The following COL4A5 variants were observed in gnomAD, a reference collection of about 807,000 sequenced individuals.
The protein encoded by COL4A5 is collagen alpha-5(IV) chain.
Under a neutral mutation model 130.2 loss-of-function variants are expected in COL4A5, and 26 were observed. That is an observed-to-expected ratio of 0.20 (90% CI 0.15 to 0.28). The LOEUF is 0.28. COL4A5 is among the 10% of genes least tolerant of loss of function. The pLI is 1.00. For synonymous variants in COL4A5, 496 were observed against 439.6 expected, an observed-to-expected ratio of 1.13 and a Z score of -1.60; for missense variants, 1,131 against 1,344.3, an observed-to-expected ratio of 0.84 and a Z score of 2.48.
At chrX:108,479,274 A>G (rs1290311260) in intron 1 of COL4A5, among the ~76,000 whole-genome samples, 1 of 112,379 alleles carries the variant, frequency 8.9e-6, no homozygotes, top group Non-Finnish European at 1.9e-5. Flanking sequence ...CTTTGTCACC[A>G]ATTTCCCAGT....
intron 1 of COL4A5, among the ~76,000 whole-genome samples, chrX:108,502,894 T>A (rs1238211319): frequency 8.9e-6 from 1 of 111,885 alleles, no homozygotes; most frequent in East Asian, 2.8e-4. Context: ...GGTATTACTG[T>A]TTTATTCTTG....
chrX:108,650,336 T>C (rs1401484907), intron 36 of COL4A5, among the ~76,000 whole-genome samples: 9 of 111,453 alleles, frequency 8.1e-5, no homozygotes, highest in Non-Finnish European at 1.3e-4. Context: ...GAATGTAAAC[T>C]AGTACAGCTA....
At position 108,680,953 on chromosome X, in the gene COL4A5, C is replaced by G. The variant is rs1274305397; in HGVS notation, c.4084C>G (p.Pro1362Ala). The change falls in exon 46 of 53, where the codon CCA (proline) becomes GCA (alanine). Residue 1362 changes from proline to alanine, a missense_variant. By Grantham distance (27) the Pro-to-Ala change is conservative. Transcript: ENST00000328300. Reference protein sequence around the residue: ...PEGEPGLIGPPGPPGLPGPSG... With the variant: ...PEGEPGLIGPAGPPGLPGPSG... Reference sequence around the variant, plus strand: ...GGGGGAACCGGGACTTATTGGTCCTCCAGGTAAGACTTATTCCTGAAGATA... The same window carrying G: ...GGGGGAACCGGGACTTATTGGTCCTGCAGGTAAGACTTATTCCTGAAGATA... The G allele has an allele frequency of 8.3e-7, 1 of 1,197,662 alleles. No individual in the cohort carries two copies. The highest frequency in any genetic ancestry group is 1.1e-6 in the Non-Finnish European group (1 of 884,384).
At chrX:108,563,244 A>G (rs1029985302) in intron 3 of COL4A5, among the ~76,000 whole-genome samples, 1 of 111,587 alleles carries the variant, frequency 9.0e-6, no homozygotes, top group African/African-American at 3.3e-5. Flanking sequence ...ATAGTTAACG[A>G]AAACTCAGTG....
rs1043282920 is a variant in COL4A5 at position 108,628,016 on chromosome X, A to G, written c.3246+1667A>G. On this transcript the variant is annotated intron_variant, in intron 36 of 52. Coordinates refer to ENST00000328300, the MANE Select transcript of COL4A5 (RefSeq NM_033380.3). ...TGTTTTCTCATATTTTAATTAATAT[A>G]TACAAAATTATACTATACATCTGCT... Among the ~76,000 whole-genome samples the G allele has an allele frequency of 5.4e-5, 6 of 110,979 alleles. No homozygotes were observed. In the East Asian group the frequency reaches 1.4e-3, roughly 26 times the overall value.
chrX:108,561,364 A>T (rs145514749), intron 3 of COL4A5, among the ~76,000 whole-genome samples: 1,649 of 111,547 alleles, frequency 0.015, 26 homozygotes, highest in African/African-American at 0.051. Context: ...ATCTGGAGGT[A>T]GTCTCAACCT....
rs751991149 is a variant in COL4A5 at position 108,460,656 on chromosome X, AT to A, written c.81+20481del. ...AGATGCCTGCCACCACGCCTGGCAAATTTTTTTTTTTTTTTTTTTTTTTTTT... is the reference window on the plus strand; with the variant it reads ...AGATGCCTGCCACCACGCCTGGCAAATTTTTTTTTTTTTTTTTTTTTTTTT... On this transcript the variant is annotated intron_variant, in intron 1 of 52. Transcript: ENST00000328300. Among the ~76,000 whole-genome samples the A allele has an allele frequency of 1.9e-3, 74 of 39,451 alleles. 1 individual carries two copies. Among genetic ancestry groups the A allele is most frequent in the African/African-American group, 6.7e-3 (62 of 9,281 alleles). The allele number at this position is 39,451 out of a possible 115,157, so 34.3% of individuals were successfully genotyped here. A position where few individuals can be genotyped will look rare whatever the true frequency, so the allele number is the denominator to read the frequency against.
chrX:108,509,346 C>T (rs12115888), intron 1 of COL4A5, among the ~76,000 whole-genome samples: 11,531 of 110,907 alleles, frequency 0.1, 1,295 homozygotes, highest in African/African-American at 0.34. Flanking sequence ...TTAATATCTG[C>T]GTAATTAAAT....
chrX:108,541,248 C>G (rs771199067), intron 2 of COL4A5, among the ~76,000 whole-genome samples: 1 of 111,652 alleles, frequency 9.0e-6, no homozygotes, highest in Non-Finnish European at 1.9e-5. Flanking sequence ...GGAGTAGTTT[C>G]GCAGTAAGGG....
chrX:108,537,025 G>A (rs1461576098), intron 1 of COL4A5, among the ~76,000 whole-genome samples: 3 of 111,235 alleles, frequency 2.7e-5, no homozygotes, highest in Non-Finnish European at 1.9e-5. Flanking sequence ...AAAAAACCTA[G>A]ACTGGAAGTT....
At chrX:108,486,953 A>G (rs769720450) in intron 1 of COL4A5, among the ~76,000 whole-genome samples, 1 of 112,066 alleles carries the variant, frequency 8.9e-6, no homozygotes, top group Non-Finnish European at 1.9e-5. Flanking sequence ...TGTTTTTTGT[A>G]TAATGACTTC....
chrX:108,519,174 TA>T (rs758554653), intron 1 of COL4A5, among the ~76,000 whole-genome samples: 24 of 111,220 alleles, frequency 2.2e-4, no homozygotes, highest in African/African-American at 6.8e-4. Flanking sequence ...CAAAGATACC[TA>T]AAATTTTCAT....
At chrX:108,628,310 C>T (rs2067190746) in intron 36 of COL4A5, among the ~76,000 whole-genome samples, 1 of 110,901 alleles carries the variant, frequency 9.0e-6, no homozygotes, top group Non-Finnish European at 1.9e-5. Flanking sequence ...GTTGCTAGAA[C>T]CCAGCATATA....
chrX:108,648,288 G>A (rs756881758), intron 36 of COL4A5, among the ~76,000 whole-genome samples: 18 of 110,950 alleles, frequency 1.6e-4, no homozygotes, highest in African/African-American at 5.2e-4. Flanking sequence ...AAAAAGTCTA[G>A]GACCAGATGA....
intron 13 of COL4A5, among the ~76,000 whole-genome samples, chrX:108,580,140 C>G (rs2066217772): frequency 9.0e-6 from 1 of 110,732 alleles, no homozygotes; most frequent in Admixed American, 9.7e-5. Context: ...GGTACATGTA[C>G]AGGTTTGTCA....
chrX:108,571,520 GA>G, intron 7 of COL4A5, 54 bp downstream of exon 7: 1 of 907,182 alleles, frequency 1.1e-6, no homozygotes, highest in Non-Finnish European at 1.6e-6. Context: ...AAAAGAAGCA[GA>G]AATGTAGTGA....
chrX:108,546,319 C>T (rs1371342743), intron 2 of COL4A5, among the ~76,000 whole-genome samples: 1 of 111,758 alleles, frequency 8.9e-6, no homozygotes, highest in African/African-American at 3.3e-5. Flanking sequence ...GACAAAATCT[C>T]TCAGCATTTG....
At chrX:108,539,639 G>A (rs2065506846) in intron 1 of COL4A5, 107 bp from the exon 2 acceptor site, 2 of 647,006 alleles carry the variant, frequency 3.1e-6, no homozygotes, top group East Asian at 6.5e-5. Flanking sequence ...TATTTTTCTG[G>A]TATCTATCTT....
At chrX:108,600,846 T>C (rs2066615438) in intron 25 of COL4A5, among the ~76,000 whole-genome samples, 1 of 111,325 alleles carries the variant, frequency 9.0e-6, no homozygotes, top group Non-Finnish European at 1.9e-5. Context: ...TTAGTACAAG[T>C]CCCAGAGTCT....
Sources: gnomAD v4.1 joint callset for allele counts (sites outside exome capture counted in the v4.1 genomes callset) on GRCh38, gnomAD v4.1.1 for gene constraint, MANE v1.5 for transcripts, NCBI Gene and HGNC (gene_info 2026-07-23, HGNC 2026-07-21) for gene names.